The following ARHGEF7 variants were observed in gnomAD, a reference collection of about 807,000 sequenced individuals.
The protein encoded by ARHGEF7 is Rho guanine nucleotide exchange factor 7, also known as PAK-interacting exchange factor beta.
A neutral mutation model predicts 109.8 loss-of-function variants in ARHGEF7; 33 were observed. The ratio of observed to expected loss-of-function variants is 0.30; its 90% CI spans 0.23 to 0.40. The LOEUF is 0.40. Ranked by LOEUF, ARHGEF7 falls within the 10% of genes least tolerant of loss-of-function variation. The probability of loss-of-function intolerance (pLI) is 1.00; values close to 1 mark genes in which losing one functional copy is unlikely to be tolerated. For synonymous variants in ARHGEF7, 458 were observed against 424.6 expected (o/e 1.08, Z -0.97); for missense variants, 938 against 1,098.5 (o/e 0.85, Z 2.07).
At chr13:111,244,346 TA>T in intron 8 of ARHGEF7, 52 bp downstream of exon 8, 2 of 1,055,760 alleles carry the variant, frequency 1.9e-6, no homozygotes, top group Non-Finnish European at 2.8e-6. Context: ...AATTGGTATT[TA>T]AAGGATTAAG....
chr13:111,161,087 C>T (rs536039883), intron 2 of ARHGEF7, among the ~76,000 whole-genome samples: 1 of 151,072 alleles, frequency 6.6e-6, no homozygotes, highest in African/African-American at 2.4e-5. Context: ...TTGAGATGCT[C>T]AACTGATAAC....
At chr13:111,193,421 C>T (rs2080131531) in intron 2 of ARHGEF7, among the ~76,000 whole-genome samples, 1 of 152,198 alleles carries the variant, frequency 6.6e-6, no homozygotes. Flanking sequence ...TTTCTCCTTA[C>T]ACTTTGGCAG....
intron 1 of ARHGEF7, among the ~76,000 whole-genome samples, chr13:111,148,686 C>T (rs1249148997): frequency 6.6e-6 from 1 of 152,146 alleles, no homozygotes; most frequent in African/African-American, 2.4e-5. Context: ...TGCACTGCTG[C>T]AAGATGGAAA....
At chr13:111,265,440 A>T in intron 8 of ARHGEF7, 1 of 379,024 alleles carries the variant, frequency 2.6e-6, no homozygotes, top group South Asian at 1.9e-5. Flanking sequence ...GGTTTTTCCT[A>T]ATACTTGTGA....
At chr13:111,247,372 G>C (rs1461312469) in intron 8 of ARHGEF7, among the ~76,000 whole-genome samples, 3 of 151,820 alleles carry the variant, frequency 2.0e-5, no homozygotes, top group South Asian at 2.1e-4. Context: ...GAGTTCAAGT[G>C]ATTCTCCTGC....
At chr13:111,175,510 T>C (rs1434204721) in intron 2 of ARHGEF7, among the ~76,000 whole-genome samples, 1 of 152,004 alleles carries the variant, frequency 6.6e-6, no homozygotes, top group Non-Finnish European at 1.5e-5. Flanking sequence ...GGCTCTGAGA[T>C]GGAATTGAGC....
At chr13:111,186,674 A>G (rs541860379) in intron 2 of ARHGEF7, among the ~76,000 whole-genome samples, 29 of 152,328 alleles carry the variant, frequency 1.9e-4, no homozygotes, top group African/African-American at 6.5e-4. Context: ...ATATTTTTAA[A>G]CTTTGCAAAC....
At chr13:111,230,775 G>A (rs1023284408) in intron 5 of ARHGEF7, among the ~76,000 whole-genome samples, 4 of 152,234 alleles carry the variant, frequency 2.6e-5, no homozygotes, top group African/African-American at 9.6e-5. Flanking sequence ...ACGTGATCTT[G>A]ACACCTTCCA....
In ARHGEF7 at chr13:111,255,571, G is replaced by A. The variant is rs963348063; in HGVS notation, c.950+11277G>A. Among the ~76,000 whole-genome samples the A allele has an allele frequency of 1.3e-5, 2 of 152,202 alleles. No homozygotes were observed. Among genetic ancestry groups the A allele is most frequent in the Non-Finnish European group, 2.9e-5 (2 of 68,046 alleles). ...CTCCTGCAGCCTCTGTTCTGCCAGG[G>A]CCCTCCCTGTGCACCATTTATAACT... On this transcript the variant is annotated intron_variant, in intron 8 of 21. Coordinates refer to ENST00000646102, the MANE Select transcript of ARHGEF7 (RefSeq NM_001354046.2). This position sits in a 1 kb window ranked among gnomAD's most constrained non-coding sequence, Gnocchi z 4.1.
intron 12 of ARHGEF7, among the ~76,000 whole-genome samples, chr13:111,277,146 CT>C (rs1595452990): frequency 1.3e-5 from 2 of 152,300 alleles, no homozygotes; most frequent in Admixed American, 6.5e-5. Flanking sequence ...CCTGTTCCCC[CT>C]GACCCCATTA....
chr13:111,157,607 A>T (rs1199040720), intron 2 of ARHGEF7, among the ~76,000 whole-genome samples: 1 of 152,166 alleles, frequency 6.6e-6, no homozygotes, highest in African/African-American at 2.4e-5. Context: ...TGATGTTTGT[A>T]GAATTTCACT....
At position 111,305,303 on chromosome 13, in the gene ARHGEF7, C is replaced by T. The variant is rs2093631265; in HGVS notation, c.*2190C>T. On this transcript the variant is annotated 3_prime_UTR_variant, in exon 22 of 22. Transcript: ENST00000646102. ...GTTGTATATAACTGTGTCTGTTTCA[C>T]CGTGTGACCTCCCAAGGGGGTGGGA... 6.6e-6 allele frequency: 1 copy of T among 152,206 alleles called. No homozygotes were observed. Among genetic ancestry groups the T allele is most frequent in the East Asian group, 1.9e-4 (1 of 5,192 alleles). The allele number at this position is 152,206 out of a possible 1,614,324, so 9.4% of individuals were successfully genotyped here.
chr13:111,144,979 GC>G (rs1259139146), intron 1 of ARHGEF7, among the ~76,000 whole-genome samples: 6 of 151,866 alleles, frequency 4.0e-5, no homozygotes, highest in Non-Finnish European at 7.4e-5. Flanking sequence ...AGTGGCATAT[GC>G]TTGCAGAGAC....
chr13:111,250,004 A>G (rs999327426), intron 8 of ARHGEF7, among the ~76,000 whole-genome samples: 14 of 152,248 alleles, frequency 9.2e-5, no homozygotes, highest in Admixed American at 6.5e-4. Flanking sequence ...TACTTTCTAT[A>G]TGTTTTTTAA....
At chr13:111,117,740 TCC>T (rs2066896893) in intron 1 of ARHGEF7, among the ~76,000 whole-genome samples, 2 of 152,072 alleles carry the variant, frequency 1.3e-5, no homozygotes, top group African/African-American at 4.8e-5. Context: ...CTTCCTTCCT[TCC>T]TTCGAGATGG....
chr13:111,121,830 C>G (rs531681388), intron 1 of ARHGEF7, among the ~76,000 whole-genome samples: 2 of 152,236 alleles, frequency 1.3e-5, no homozygotes, highest in East Asian at 3.9e-4. Flanking sequence ...TCTCGGAGTC[C>G]TAGTTTCTTC....
intron 5 of ARHGEF7, among the ~76,000 whole-genome samples, chr13:111,230,583 G>A (rs1427068911): frequency 1.3e-5 from 2 of 152,238 alleles, no homozygotes; most frequent in Non-Finnish European, 2.9e-5. Flanking sequence ...GAAGCCAGGA[G>A]TGGCCTTGCT....
At chr13:111,115,253 T>G (rs2066654863), upstream of ARHGEF7, 2 of 146,744 alleles carry the variant, frequency 1.4e-5, no homozygotes, top group South Asian at 3.8e-4. Flanking sequence ...TTTCTTCTCC[T>G]GGCGGTGATG....
At chr13:111,287,955 C>T (rs200166053) in intron 17 of ARHGEF7, among the ~76,000 whole-genome samples, 2 of 152,306 alleles carry the variant, frequency 1.3e-5, no homozygotes, top group East Asian at 1.9e-4. Flanking sequence ...TGTGGAAACA[C>T]GAAAATGTTT....
Sources: gnomAD v4.1 joint callset for allele counts (sites outside exome capture counted in the v4.1 genomes callset) on GRCh38, gnomAD v4.1.1 for gene constraint, Gnocchi (gnomAD v3.1) non-coding constraint, MANE v1.5 for transcripts, NCBI Gene and HGNC (gene_info 2026-07-23, HGNC 2026-07-21) for gene names.